The following TLE1 variants were observed in gnomAD, a reference collection of about 807,000 sequenced individuals.
TLE1 encodes transducin-like enhancer protein 1.
In TLE1, 21 loss-of-function variants were observed where a neutral mutation model predicts 89.8. The observed-to-expected ratio is 0.23, with a 90% CI of 0.17 to 0.34. The LOEUF (loss-of-function observed/expected upper bound fraction) is 0.34. Among genes scored for constraint, TLE1 ranks in the 10% least tolerant of loss-of-function variants. The pLI is 1.00. For missense variants in TLE1, 795 were observed against 1,031.2 expected (o/e 0.77, Z 3.14); for synonymous variants, 447 against 407.6 (o/e 1.10, Z -1.16).
At chr9:81,659,491 C>A (rs956054138) in intron 4 of TLE1, among the ~76,000 whole-genome samples, 4 of 152,154 alleles carry the variant, frequency 2.6e-5, no homozygotes, top group African/African-American at 9.7e-5. Context: ...GAGCTATCCA[C>A]AAACCAAATC....
At chr9:81,643,539 T>C (rs939282013) in intron 6 of TLE1, among the ~76,000 whole-genome samples, 4 of 151,546 alleles carry the variant, frequency 2.6e-5, no homozygotes, top group African/African-American at 9.7e-5. Flanking sequence ...CCCAGCCCTT[T>C]GTTTTGTTTT....
intron 4 of TLE1, among the ~76,000 whole-genome samples, chr9:81,669,002 G>T (rs916787476): frequency 6.6e-6 from 1 of 152,006 alleles, no homozygotes; most frequent in African/African-American, 2.4e-5. Flanking sequence ...GTCAATTCTC[G>T]TTTCCCACAG....
intron 12 of TLE1, among the ~76,000 whole-genome samples, chr9:81,612,919 G>A (rs1254080066): frequency 2.0e-5 from 3 of 152,154 alleles, no homozygotes; most frequent in African/African-American, 7.2e-5. Flanking sequence ...TTAGCCAGGC[G>A]TGGTGGCAGG....
intron 6 of TLE1, among the ~76,000 whole-genome samples, chr9:81,635,961 C>G (rs1827305221): frequency 6.6e-6 from 1 of 152,100 alleles, no homozygotes; most frequent in Non-Finnish European, 1.5e-5. Flanking sequence ...GAGTTTGAGA[C>G]CAGCCTGGGC....
At chr9:81,601,720 A>G (rs1300674625) in intron 14 of TLE1, among the ~76,000 whole-genome samples, 1 of 152,204 alleles carries the variant, frequency 6.6e-6, no homozygotes, top group Non-Finnish European at 1.5e-5. Context: ...TGAACTAAAC[A>G]ATACCAATTA....
intron 4 of TLE1, among the ~76,000 whole-genome samples, chr9:81,684,772 C>T (rs1360949879): frequency 1.3e-5 from 2 of 152,120 alleles, no homozygotes; most frequent in Non-Finnish European, 2.9e-5. Flanking sequence ...TTCTAAAAGA[C>T]TTATTGTACC....
chr9:81,674,875 C>G (rs1333069436), intron 4 of TLE1, among the ~76,000 whole-genome samples: 1 of 152,074 alleles, frequency 6.6e-6, no homozygotes, highest in Non-Finnish European at 1.5e-5. Context: ...TACATGGACG[C>G]CAGGTGTGGT....
intron 5 of TLE1, 53 bp from the exon 6 acceptor site, chr9:81,652,341 T>A (rs924176258): frequency 5.3e-6 from 8 of 1,514,886 alleles, no homozygotes; most frequent in Admixed American, 1.7e-5. Context: ...AACTTCACTG[T>A]ATATTCTAAC....
rs544644638 is a variant in TLE1 at position 81,686,018 on chromosome 9, G to A, written c.126-122C>T. The A allele has an allele frequency of 4.2e-6, 4 of 951,488 alleles. No individual in the cohort carries two copies. In the African/African-American group the frequency reaches 6.6e-5, roughly 16 times the overall value. 58.9% of individuals were successfully genotyped at this position (951,488 alleles called of 1,614,324 possible). ...TTTGGAAAAGCCATAAACTATCTAG[G>A]TAAACACCCAAAAGCTTTGTCCTTG... On this transcript the variant is annotated intron_variant, in intron 2 of 19. Coordinates refer to ENST00000376499, the MANE Select transcript of TLE1 (RefSeq NM_005077.5).
intron 4 of TLE1, among the ~76,000 whole-genome samples, chr9:81,674,628 A>T (rs1268258249): frequency 6.6e-6 from 1 of 152,262 alleles, no homozygotes; most frequent in Non-Finnish European, 1.5e-5. Flanking sequence ...TACTGGTTAC[A>T]TCTTAAAGGT....
chr9:81,610,774 A>G (rs1021862465), intron 13 of TLE1, among the ~76,000 whole-genome samples: 2 of 149,584 alleles, frequency 1.3e-5, no homozygotes, highest in African/African-American at 5.0e-5. Context: ...ATGATAATCA[A>G]AAGTGTCTCC....
chr9:81,680,127 G>A (rs1252899285), intron 4 of TLE1, among the ~76,000 whole-genome samples: 1 of 152,322 alleles, frequency 6.6e-6, no homozygotes, highest in African/African-American at 2.4e-5. Flanking sequence ...CTCCCACCAT[G>A]CGAGGGAACA....
At chr9:81,600,382 G>T (rs189691829) in intron 14 of TLE1, among the ~76,000 whole-genome samples, 1 of 152,138 alleles carries the variant, frequency 6.6e-6, no homozygotes, top group African/African-American at 2.4e-5. Context: ...ACATCAAAAG[G>T]AAGGTCCTCC....
intron 8 of TLE1, among the ~76,000 whole-genome samples, chr9:81,625,062 G>A (rs1450091502): frequency 6.6e-6 from 1 of 152,050 alleles, no homozygotes; most frequent in African/African-American, 2.4e-5. Context: ...AACATAAAGA[G>A]GGTCCAAAAA....
At chr9:81,637,164 C>A (rs919089885) in intron 6 of TLE1, among the ~76,000 whole-genome samples, 1 of 151,990 alleles carries the variant, frequency 6.6e-6, no homozygotes, top group African/African-American at 2.4e-5. Context: ...TTGAGACCAG[C>A]CTGACCAACA....
intron 15 of TLE1, 145 bp downstream of exon 15, chr9:81,592,880 G>T: frequency 8.6e-7 from 1 of 1,164,028 alleles, no homozygotes; most frequent in Non-Finnish European, 1.2e-6. Context: ...TAAATGGGGA[G>T]CCGAGGGGGT....
At chr9:81,648,134 T>TTACA (rs1588114293) in intron 6 of TLE1, among the ~76,000 whole-genome samples, 1 of 151,782 alleles carries the variant, frequency 6.6e-6, no homozygotes, top group East Asian at 1.9e-4. Context: ...TAGCTGGGTA[T>TTACA]GGCGGTGCAT....
intron 14 of TLE1, among the ~76,000 whole-genome samples, chr9:81,598,046 G>A (rs1474406629): frequency 6.6e-6 from 1 of 152,300 alleles, no homozygotes; most frequent in Non-Finnish European, 1.5e-5. Context: ...AGACCCCAGA[G>A]AGGACGGCTG....
At chr9:81,675,504 T>C (rs1161636011) in intron 4 of TLE1, among the ~76,000 whole-genome samples, 1 of 152,160 alleles carries the variant, frequency 6.6e-6, no homozygotes, top group South Asian at 2.1e-4. Context: ...CCCAGCAACA[T>C]GCTAGTTTTG....
Sources: allele counts gnomAD v4.1 joint callset (sites outside exome capture counted in the v4.1 genomes callset), GRCh38; gene constraint gnomAD v4.1.1; transcripts MANE v1.5; gene names NCBI Gene and HGNC (gene_info 2026-07-23, HGNC 2026-07-21).